The following THSD7B variants were observed in gnomAD, a reference collection of about 807,000 sequenced individuals.
THSD7B encodes the protein thrombospondin type-1 domain-containing protein 7B.
A neutral mutation model predicts 213.6 loss-of-function variants in THSD7B; 138 were observed. That is an observed-to-expected ratio of 0.65 (90% CI 0.56 to 0.74). The LOEUF (loss-of-function observed/expected upper bound fraction) is 0.74, where lower values mean the gene tolerates loss of function less well. Ranked by LOEUF, THSD7B falls within the 30% of genes least tolerant of loss-of-function variation. The pLI is 0.00. For missense variants in THSD7B, 1,931 were observed against 1,991.5 expected, an observed-to-expected ratio of 0.97 and a Z score of 0.58; for synonymous variants, 742 against 687.0, an observed-to-expected ratio of 1.08 and a Z score of -1.25.
chr2:137,070,707 C>G (rs187226368), intron 3 of THSD7B, among the ~76,000 whole-genome samples: 1,822 of 152,012 alleles, frequency 0.012, 23 homozygotes, highest in Middle Eastern at 0.024. Context: ...TGCTATCCCT[C>G]CCCCTGTCCC....
chr2:137,399,725 C>G (rs1248586982), intron 12 of THSD7B, among the ~76,000 whole-genome samples: 1 of 152,052 alleles, frequency 6.6e-6, no homozygotes, highest in East Asian at 1.9e-4. Flanking sequence ...CCTTCTGTAT[C>G]TGGATATCTA....
rs369092879 is a variant in THSD7B, at chr2:137,291,334, T to TA, written c.2500+15311dup. Among the ~76,000 whole-genome samples the TA allele has an allele frequency of 5.9e-3, 894 of 152,254 alleles. 9 individuals carry two copies. The highest frequency in any genetic ancestry group is 0.019 in the African/African-American group (810 of 41,572). On this transcript the variant is annotated intron_variant, in intron 12 of 27. Transcript: ENST00000409968. The stretch of plus-strand genomic sequence containing the variant: ...TACTTTATGTTTAGGAATTATACCT[T>TA]AAAGTTTTCTTATTGGATTTTTCAG...
At chr2:137,669,447 T>C (rs183635639) in intron 27 of THSD7B, among the ~76,000 whole-genome samples, 1 of 152,278 alleles carries the variant, frequency 6.6e-6, no homozygotes, top group Admixed American at 6.5e-5. Flanking sequence ...ATTTTTTTTT[T>C]ACTGATTTTC....
intron 15 of THSD7B, among the ~76,000 whole-genome samples, chr2:137,519,586 C>A (rs2105164394): frequency 6.6e-6 from 1 of 152,240 alleles, no homozygotes; most frequent in South Asian, 2.1e-4. Context: ...TTCAGACTGG[C>A]AGAATATGAT....
chr2:137,284,957 T>A (rs1683133391), intron 12 of THSD7B, among the ~76,000 whole-genome samples: 1 of 152,136 alleles, frequency 6.6e-6, no homozygotes, highest in Non-Finnish European at 1.5e-5. Flanking sequence ...GATATCCTTG[T>A]TAACTTTCTG....
At chr2:137,185,788 T>C (rs563009924) in intron 7 of THSD7B, among the ~76,000 whole-genome samples, 2 of 152,324 alleles carry the variant, frequency 1.3e-5, no homozygotes, top group African/African-American at 4.8e-5. Context: ...ATTGTGTTTC[T>C]GTTTTAAGTT....
At position 137,231,109 on chromosome 2, in the gene THSD7B, C is replaced by G. The variant is rs767688703; in HGVS notation, c.1789C>G (p.Pro597Ala). 2 of 1,613,812 alleles carry G rather than the reference C, an allele frequency of 1.2e-6. No homozygotes were observed. Among genetic ancestry groups the G allele is most frequent in the Non-Finnish European group, 1.7e-6 (2 of 1,179,806 alleles). ...PPPERKSCEI[P>A]CRMDCVLSEW... ...TCCTGAGAGGAAGTCTTGTGAAATT[C>G]CCTGCCGAATGGACTGTGTGCTGAG... Residue 597 changes from proline (P) to alanine (A), a missense_variant, in exon 8 of 28, where the codon CCC (proline) becomes GCC (alanine). Coordinates refer to ENST00000409968, the MANE Select transcript of THSD7B (RefSeq NM_001316349.2).
intron 7 of THSD7B, among the ~76,000 whole-genome samples, chr2:137,207,173 A>G (rs1200454665): frequency 1.3e-5 from 2 of 152,054 alleles, no homozygotes; most frequent in Non-Finnish European, 2.9e-5. Context: ...AGGGCTACCT[A>G]TTGTGTTCTT....
At chr2:136,866,350 C>T (rs2104976992) in intron 1 of THSD7B, among the ~76,000 whole-genome samples, 1 of 152,070 alleles carries the variant, frequency 6.6e-6, no homozygotes, top group Admixed American at 6.5e-5. Context: ...ACTTCTTTTT[C>T]CCTAGCTGAC....
intron 10 of THSD7B, among the ~76,000 whole-genome samples, chr2:137,264,313 C>T (rs892687443): frequency 9.3e-5 from 14 of 150,058 alleles, no homozygotes; most frequent in African/African-American, 2.2e-4. Context: ...GGTGCAGTGG[C>T]GCAATTTCAG....
chr2:137,180,919 G>A lies in THSD7B; in HGVS notation c.1723+9981G>A, dbSNP rs556641994. Among the ~76,000 whole-genome samples, 7 of 152,228 alleles carry A rather than the reference G, an allele frequency of 4.6e-5. No individual in the cohort carries two copies. The South Asian group carries it at 1.2e-3, about 27-fold the overall frequency. On this transcript the variant is annotated intron_variant, in intron 7 of 27. Transcript: ENST00000409968. ...AGAGGCAATTGTGCCAACTCAGTGG[G>A]CTAGACTCATGAAACCTATTCCTAA...
At chr2:137,256,169 A>T (rs1682304828) in intron 10 of THSD7B, among the ~76,000 whole-genome samples, 1 of 152,110 alleles carries the variant, frequency 6.6e-6, no homozygotes, top group Admixed American at 6.5e-5. Flanking sequence ...AATTACCTAA[A>T]TATTTGTTGA....
intron 7 of THSD7B, among the ~76,000 whole-genome samples, chr2:137,205,539 A>G (rs1680968027): frequency 6.6e-6 from 1 of 152,096 alleles, no homozygotes; most frequent in African/African-American, 2.4e-5. Flanking sequence ...GGTATAACAA[A>G]GGCAAGAGCA....
intron 3 of THSD7B, among the ~76,000 whole-genome samples, chr2:137,071,384 G>A (rs56350524): frequency 0.096 from 14,640 of 151,980 alleles, 927 homozygotes; most frequent in African/African-American, 0.19. Flanking sequence ...CATATCCTTT[G>A]CCCACTTTTT....
intron 7 of THSD7B, among the ~76,000 whole-genome samples, chr2:137,179,418 A>G (rs566548495): frequency 1.3e-5 from 2 of 152,256 alleles, no homozygotes; most frequent in East Asian, 1.9e-4. Context: ...CTCTATGTAG[A>G]CACAAAAAAA....
intron 12 of THSD7B, among the ~76,000 whole-genome samples, chr2:137,290,224 G>A (rs1683293923): frequency 6.6e-6 from 1 of 151,672 alleles, no homozygotes; most frequent in Admixed American, 6.6e-5. Context: ...CAGTAGCTGG[G>A]ACTACAAGGC....
intron 5 of THSD7B, among the ~76,000 whole-genome samples, chr2:137,144,484 G>A (rs551423233): frequency 1.8e-4 from 27 of 152,170 alleles, no homozygotes; most frequent in African/African-American, 5.1e-4. Context: ...GACAGATACA[G>A]TGTCTGCTTT....
intron 11 of THSD7B, 80 bp from the exon 12 acceptor site, chr2:137,275,843 A>T: frequency 4.6e-6 from 5 of 1,081,010 alleles, no homozygotes; most frequent in Non-Finnish European, 6.7e-6. Context: ...TACTTTTTTT[A>T]AACTTCAAAC....
At chr2:136,778,656 A>G (rs1412326075) in intron 1 of THSD7B, among the ~76,000 whole-genome samples, 1 of 152,236 alleles carries the variant, frequency 6.6e-6, no homozygotes, top group Non-Finnish European at 1.5e-5. Context: ...TGAAATTCTT[A>G]GATATCTGTT....
Sources: allele counts gnomAD v4.1 joint callset (sites outside exome capture counted in the v4.1 genomes callset), GRCh38; gene constraint gnomAD v4.1.1; transcripts MANE v1.5; gene names NCBI Gene and HGNC (gene_info 2026-07-23, HGNC 2026-07-21).